The following TAFA1 variants were observed in gnomAD, a reference collection of about 807,000 sequenced individuals.
TAFA1 encodes TAFA chemokine like family member 1, also known as chemokine-like protein TAFA-1.
A neutral mutation model predicts 18.5 loss-of-function variants in TAFA1; 4 were observed. The observed-to-expected ratio is 0.22, with a 90% CI of 0.11 to 0.49. The LOEUF (loss-of-function observed/expected upper bound fraction) is 0.49, where lower values mean the gene tolerates loss of function less well. TAFA1 is among the 20% of genes least tolerant of loss of function. TAFA1 has a pLI of 0.98. For missense variants in TAFA1, 147 were observed against 169.0 expected (o/e 0.87, Z 0.72); for synonymous variants, 56 against 55.2 (o/e 1.01, Z -0.06).
chr3:68,539,616 T>C (rs2073334524), intron 4 of TAFA1, among the ~76,000 whole-genome samples: 1 of 148,450 alleles, frequency 6.7e-6, no homozygotes, highest in Non-Finnish European at 1.5e-5. Context: ...GTCATATGTA[T>C]GTGTATCAAT....
chr3:68,143,010 C>T (rs2065689371), intron 2 of TAFA1, among the ~76,000 whole-genome samples: 1 of 151,948 alleles, frequency 6.6e-6, no homozygotes, highest in South Asian at 2.1e-4. Context: ...CTCTGGAAGA[C>T]TCTTTAAGAT....
intron 2 of TAFA1, among the ~76,000 whole-genome samples, chr3:68,293,543 A>C (rs2068152508): frequency 6.6e-6 from 1 of 152,248 alleles, no homozygotes; most frequent in African/African-American, 2.4e-5. Flanking sequence ...ATATATGATC[A>C]TAGGCAAACT....
At chr3:68,534,637 C>A (rs907218776) in intron 3 of TAFA1, among the ~76,000 whole-genome samples, 1 of 152,112 alleles carries the variant, frequency 6.6e-6, no homozygotes, top group African/African-American at 2.4e-5. Flanking sequence ...GTTCTGAGGA[C>A]GTTTTTCTTC....
intron 2 of TAFA1, among the ~76,000 whole-genome samples, chr3:68,182,258 T>G (rs1296448692): frequency 1.3e-5 from 2 of 152,194 alleles, no homozygotes; most frequent in Non-Finnish European, 2.9e-5. Context: ...GTGTAACCCT[T>G]AATGGATTTC....
chr3:68,433,495 A>G (rs950296672), intron 3 of TAFA1, among the ~76,000 whole-genome samples: 2 of 152,084 alleles, frequency 1.3e-5, no homozygotes, highest in African/African-American at 4.8e-5. Context: ...TTCCCACTTT[A>G]AATTACATTT....
Position 68,245,956 on chromosome 3 carries a change from A to G in TAFA1, c.119-171324A>G, listed in dbSNP as rs191662169. ...AGCGGGTATGGTATAAGACACAGGC[A>G]TAGGTAATAAAGTGACTCAAAACAG... On this transcript the variant is annotated intron_variant, in intron 2 of 4. Transcript: ENST00000478136. 4.6e-5 allele frequency among the ~76,000 whole-genome samples: 7 copies of G among 152,324 alleles called. No individual in the cohort carries two copies. The East Asian group carries it at 1.4e-3, about 29-fold the overall frequency.
intron 2 of TAFA1, among the ~76,000 whole-genome samples, chr3:68,116,680 CTT>C (rs2065328664): frequency 6.6e-6 from 1 of 152,144 alleles, no homozygotes; most frequent in South Asian, 2.1e-4. Context: ...ACCTATTTAT[CTT>C]TGTCTGCTTG....
At chr3:68,060,230 G>C (rs1392738062) in intron 2 of TAFA1, among the ~76,000 whole-genome samples, 1 of 147,464 alleles carries the variant, frequency 6.8e-6, no homozygotes, top group East Asian at 2.0e-4. Context: ...GTGTCTTTCA[G>C]AATCTCCTTT....
In TAFA1 at chr3:68,482,903, G is replaced by T. The variant is rs543071088; in HGVS notation, c.260-55853G>T. Reference sequence around the variant, plus strand: ...TTCTGTTGACATAGTTGAAGCCTCTGGTCCTGGAAGTGCCTAAAGTTAGTC... The same window carrying T: ...TTCTGTTGACATAGTTGAAGCCTCTTGTCCTGGAAGTGCCTAAAGTTAGTC... On this transcript the variant is annotated intron_variant, in intron 3 of 4. Coordinates refer to ENST00000478136, the MANE Select transcript of TAFA1 (RefSeq NM_213609.4). Among the ~76,000 whole-genome samples, 13 of 152,280 alleles carry T rather than the reference G, an allele frequency of 8.5e-5. No homozygotes were observed. The East Asian group carries it at 2.5e-3, about 29-fold the overall frequency.
At chr3:68,125,350 C>T (rs143911991) in intron 2 of TAFA1, among the ~76,000 whole-genome samples, 278 of 152,318 alleles carry the variant, frequency 1.8e-3, no homozygotes, top group Non-Finnish European at 3.0e-3. Context: ...GCTACCTGTG[C>T]TGCTATTGTG....
chr3:68,504,318 C>T lies in TAFA1; in HGVS notation c.260-34438C>T, dbSNP rs114302254. Among the ~76,000 whole-genome samples, 1,358 of 152,196 alleles carry T rather than the reference C, an allele frequency of 8.9e-3. 25 individuals carry two copies. The highest frequency in any genetic ancestry group is 0.031 in the African/African-American group (1,307 of 41,540). Reference sequence around the variant, plus strand: ...GAAAGCCAGCAGGGCCCCTTAGCTGCCATCCTAACATGAATTGCTCCAAGC... The same window carrying T: ...GAAAGCCAGCAGGGCCCCTTAGCTGTCATCCTAACATGAATTGCTCCAAGC... On this transcript the variant is annotated intron_variant, in intron 3 of 4. Coordinates refer to ENST00000478136, the MANE Select transcript of TAFA1 (RefSeq NM_213609.4).
chr3:68,240,764 G>A (rs1394572187), intron 2 of TAFA1, among the ~76,000 whole-genome samples: 3 of 152,254 alleles, frequency 2.0e-5, no homozygotes, highest in Middle Eastern at 3.4e-3. Context: ...CTGAAGCGCT[G>A]TAATTTTTAC....
intron 3 of TAFA1, among the ~76,000 whole-genome samples, chr3:68,431,980 A>C (rs2071183793): frequency 6.6e-6 from 1 of 151,940 alleles, no homozygotes; most frequent in Admixed American, 6.6e-5. Flanking sequence ...ACAAAACAAA[A>C]AGTTTTACAA....
Position 68,330,522 on chromosome 3 carries a change from C to G in TAFA1, c.119-86758C>G, listed in dbSNP as rs144818313. Among the ~76,000 whole-genome samples the G allele has an allele frequency of 8.8e-3, 1,347 of 152,278 alleles. 12 individuals carry two copies. Among genetic ancestry groups the G allele is most frequent in the Non-Finnish European group, 0.015 (993 of 68,012 alleles). On this transcript the variant is annotated intron_variant, in intron 2 of 4. Coordinates refer to ENST00000478136, the MANE Select transcript of TAFA1 (RefSeq NM_213609.4). ...TTTGAAATGCACATAATAGAAATGA[C>G]AATTTATTGAGTTCTTGCTGTGCTT...
intron 2 of TAFA1, among the ~76,000 whole-genome samples, chr3:68,279,749 G>T (rs62248314): frequency 0.24 from 36,541 of 152,078 alleles, 4,745 homozygotes; most frequent in East Asian, 0.29. Flanking sequence ...TATGGGCTTT[G>T]CTCTTGGGTG....
chr3:68,394,338 G>C (rs968545830), intron 2 of TAFA1, among the ~76,000 whole-genome samples: 1 of 152,086 alleles, frequency 6.6e-6, no homozygotes, highest in African/African-American at 2.4e-5. Context: ...CATGCTCATG[G>C]ATAGGAAGAA....
chr3:68,217,071 G>A (rs1185723452), intron 2 of TAFA1, among the ~76,000 whole-genome samples: 1 of 152,010 alleles, frequency 6.6e-6, no homozygotes, highest in Non-Finnish European at 1.5e-5. Flanking sequence ...GAAGTGTAAA[G>A]GATGGAAAAG....
chr3:68,296,750 C>T (rs1162377408), intron 2 of TAFA1, among the ~76,000 whole-genome samples: 1 of 152,120 alleles, frequency 6.6e-6, no homozygotes. Flanking sequence ...TGTGCAGACA[C>T]TGTGCTAGGT....
chr3:68,262,695 A>G (rs909464510), intron 2 of TAFA1, among the ~76,000 whole-genome samples: 1 of 152,058 alleles, frequency 6.6e-6, no homozygotes, highest in African/African-American at 2.4e-5. Flanking sequence ...ATGGGCACCT[A>G]GGTTGATTCC....
Sources: allele counts gnomAD v4.1 joint callset (sites outside exome capture counted in the v4.1 genomes callset), GRCh38; gene constraint gnomAD v4.1.1; transcripts MANE v1.5; gene names NCBI Gene and HGNC (gene_info 2026-07-23, HGNC 2026-07-21).